RFX6: variants seen among roughly 807,000 people sequenced by gnomAD.
The protein encoded by RFX6 is DNA-binding protein RFX6.
In RFX6, 50 loss-of-function variants were observed where a neutral mutation model predicts 110.8. The ratio of observed to expected loss-of-function variants is 0.45; its 90% CI spans 0.36 to 0.57. The LOEUF is 0.57. Among genes scored for constraint, RFX6 ranks in the 20% least tolerant of loss-of-function variants. The probability of loss-of-function intolerance (pLI) is 0.00; values close to 1 mark genes in which losing one functional copy is unlikely to be tolerated. For missense variants in RFX6, 990 were observed against 1,127.0 expected, an observed-to-expected ratio of 0.88 and a Z score of 1.74; for synonymous variants, 383 against 411.2, an observed-to-expected ratio of 0.93 and a Z score of 0.83.
chr6:116,883,976 C>G (rs990212943), intron 4 of RFX6, among the ~76,000 whole-genome samples: 1 of 152,128 alleles, frequency 6.6e-6, no homozygotes, highest in South Asian at 2.1e-4. Context: ...CAAGGTCCAT[C>G]ATGATTTAGT....
Position 116,931,596 on chromosome 6 carries a change from TA to T in RFX6, c.*95del. ...TCACTCAGACTTCCATAAGAGTAAATAAAAATGAATATGCAGTGGCTGACAT... is the reference window on the plus strand; with the variant it reads ...TCACTCAGACTTCCATAAGAGTAAATAAAATGAATATGCAGTGGCTGACAT... On this transcript the variant is annotated 3_prime_UTR_variant, in exon 19 of 19. Transcript: ENST00000332958. The T allele has an allele frequency of 2.1e-6, 2 of 961,802 alleles. No individual in the cohort carries two copies. Among genetic ancestry groups the T allele is most frequent in the Non-Finnish European group, 1.6e-6 (1 of 626,656 alleles). The allele number at this position is 961,802 out of a possible 1,614,324, so 59.6% of individuals were successfully genotyped here.
intron 6 of RFX6, among the ~76,000 whole-genome samples, chr6:116,907,777 TACTTA>T (rs2114685212): frequency 6.6e-6 from 1 of 152,240 alleles, no homozygotes; most frequent in African/African-American, 2.4e-5. Flanking sequence ...TCTATACTCT[TACTTA>T]ACTTCTGTCT....
chr6:116,916,107 T>C (rs747857006), intron 8 of RFX6, 22 bp downstream of exon 8: 1 of 1,572,756 alleles, frequency 6.4e-7, no homozygotes, highest in Admixed American at 1.7e-5. Context: ...AAAGAATGCT[T>C]TATTTGACCC....
intron 4 of RFX6, among the ~76,000 whole-genome samples, chr6:116,888,122 C>T (rs985380546): frequency 8.5e-5 from 13 of 152,096 alleles, no homozygotes; most frequent in African/African-American, 2.4e-4. Context: ...CCCATCATTT[C>T]CTTATCAGTT....
Position 116,920,378 on chromosome 6 carries a change from T to C in RFX6, c.1251T>C (p.Asp417=). ...TGGTGTCTGATATTGAAAGGGTTGA[T>C]TTGAACAGCATTGGCTCTCAAGCCC... The part of the protein sequence containing the change: ...NSMVSDIERV[D]LNSIGSQALL... The change falls in exon 12 of 19, where the codon GAT becomes GAC. Residue 417 remains aspartate (D), a synonymous_variant. Transcript: ENST00000332958. The C allele has an allele frequency of 5.6e-6, 9 of 1,612,574 alleles. No individual in the cohort carries two copies. The highest frequency in any genetic ancestry group is 7.6e-6 in the Non-Finnish European group (9 of 1,178,582).
At chr6:116,927,986 C>T (rs1775786208) in intron 17 of RFX6, among the ~76,000 whole-genome samples, 1 of 151,504 alleles carries the variant, frequency 6.6e-6, no homozygotes, top group Non-Finnish European at 1.5e-5. Flanking sequence ...TTAAGCAATC[C>T]TCTCTCCTTG....
At chr6:116,917,710 A>C (rs1775498054) in intron 9 of RFX6, among the ~76,000 whole-genome samples, 2 of 152,086 alleles carry the variant, frequency 1.3e-5, no homozygotes, top group Non-Finnish European at 2.9e-5. Flanking sequence ...ACGGTGTAAG[A>C]TGAGCTTCTA....
Position 116,916,258 on chromosome 6 carries a change from C to G in RFX6, c.916C>G (p.Leu306Val). ...AATGCCTGACCATCTCCTTCCCCTG[C>G]TCGAAAATCCTGTTATCATTGATAT... Reference protein sequence around the residue: ...QGMPDHLLPLLENPVIIDIFC... With the variant: ...QGMPDHLLPLVENPVIIDIFC... The change falls in exon 9 of 19, where the codon CTC (leucine) becomes GTC (valine). Residue 306 changes from leucine (L) to valine (V), a missense_variant. Leu to Val is a conservative substitution (Grantham distance 32). Coordinates refer to ENST00000332958, the MANE Select transcript of RFX6 (RefSeq NM_173560.4). 1 of 1,612,786 alleles carries G rather than the reference C, an allele frequency of 6.2e-7. No homozygotes were observed. Among genetic ancestry groups the G allele is most frequent in the Non-Finnish European group, 8.5e-7 (1 of 1,179,246 alleles).
At chr6:116,922,856 A>G (rs1325604346) in intron 13 of RFX6, among the ~76,000 whole-genome samples, 2 of 152,188 alleles carry the variant, frequency 1.3e-5, no homozygotes, top group East Asian at 1.9e-4. Context: ...AATATTTTGA[A>G]AATTATTTCA....
chr6:116,877,901 T>C lies in RFX6; in HGVS notation c.329T>C (p.Ile110Thr). The stretch of plus-strand genomic sequence containing the variant: ...CAATACCTGTCTCAGAAGAAAACCA[T>C]CACGCAGATTGTGAAGGATAAAAAG... Reference protein sequence around the residue: ...ADQYLSQKKTITQIVKDKKKQ... With the variant: ...ADQYLSQKKTTTQIVKDKKKQ... The change falls in exon 2 of 19, where the codon ATC becomes ACC. Residue 110 changes from isoleucine (I) to threonine (T), a missense_variant. By Grantham distance (89) the Ile-to-Thr change is moderately conservative. Transcript: ENST00000332958. The C allele has an allele frequency of 6.2e-7, 1 of 1,614,076 alleles. No individual in the cohort carries two copies. Among genetic ancestry groups the C allele is most frequent in the Non-Finnish European group, 8.5e-7 (1 of 1,179,996 alleles).
At chr6:116,892,427 C>T (rs1178671555) in intron 4 of RFX6, among the ~76,000 whole-genome samples, 2 of 152,220 alleles carry the variant, frequency 1.3e-5, no homozygotes, top group Admixed American at 1.3e-4. Flanking sequence ...TTCAACTCCC[C>T]AGGCCCACTT....
Position 116,927,294 on chromosome 6 carries a change from A to G in RFX6, c.2153A>G (p.Tyr718Cys), listed in dbSNP as rs1414032326. Residue 718 changes from tyrosine (Y) to cysteine (C), a missense_variant, in exon 17 of 19, where the codon TAT becomes TGT. Coordinates refer to ENST00000332958, the MANE Select transcript of RFX6 (RefSeq NM_173560.4). ...RAQPHSTSGLYPHHTEHGRCM... is the reference protein window; with the variant it reads ...RAQPHSTSGLCPHHTEHGRCM... ...CAGCCCCACTCCACATCAGGACTCT[A>G]TCCTCATCACACCGAGCATGGTCGA... is the stretch of plus-strand genomic sequence containing the variant. 19 of 1,614,082 alleles carry G rather than the reference A, an allele frequency of 1.2e-5. No homozygotes were observed. The highest frequency in any genetic ancestry group is 2.7e-5 in the African/African-American group (2 of 74,930).
intron 10 of RFX6, 136 bp from the exon 11 acceptor site, chr6:116,919,001 A>T (rs1294045483): frequency 2.7e-6 from 2 of 739,146 alleles, no homozygotes; most frequent in Non-Finnish European, 4.5e-6. Flanking sequence ...AAAAGATGAT[A>T]AATGGCAGAT....
chr6:116,888,327 T>G (rs339330), intron 4 of RFX6, among the ~76,000 whole-genome samples: 113,607 of 152,124 alleles, frequency 0.75, 43,185 homozygotes, highest in East Asian at 0.89. Context: ...AATTTCATTT[T>G]TCATATTAAA....
Position 116,925,757 on chromosome 6 carries a change from C to A in RFX6, c.1885+98C>A, listed in dbSNP as rs753730930. ...ATAACTTCCAGTCCAGGAATTCCAA[C>A]AATAAAAAAGGATGATCTTAACTGA... On this transcript the variant is annotated intron_variant, in intron 16 of 18. Transcript: ENST00000332958. 208 of 802,332 alleles carry A rather than the reference C, an allele frequency of 2.6e-4. 1 individual carries two copies. The highest frequency in any genetic ancestry group is 3.8e-4 in the Non-Finnish European group (183 of 478,228). The allele number at this position is 802,332 out of a possible 1,614,324, so 49.7% of individuals were successfully genotyped here.
At position 116,924,890 on chromosome 6, in the gene RFX6, C is replaced by T. The variant is rs1158892226; in HGVS notation, c.1678+99C>T. 9.4e-6 allele frequency: 8 copies of T among 846,994 alleles called. No homozygotes were observed. In the Admixed American group the frequency reaches 1.0e-4, roughly 11 times the overall value. The allele number at this position is 846,994 out of a possible 1,614,324, so 52.5% of individuals were successfully genotyped here. A position where few individuals can be genotyped will look rare whatever the true frequency, so the allele number is the denominator to read the frequency against. On this transcript the variant is annotated intron_variant, in intron 15 of 18. Transcript: ENST00000332958. ...ATATTAAGTGGGTTTATCATAATCT[C>T]AGAGTTTTTCTCCAAACATGTCATT...
Position 116,911,055 on chromosome 6 carries a change from G to C in RFX6, c.780+13G>C. 3 of 1,507,232 alleles carry C rather than the reference G, an allele frequency of 2.0e-6. No individual in the cohort carries two copies. Among genetic ancestry groups the C allele is most frequent in the Non-Finnish European group, 2.8e-6 (3 of 1,082,740 alleles). The allele number at this position is 1,507,232 out of a possible 1,614,324, so 93.4% of individuals were successfully genotyped here. ...TTCTAAGGACAAGGTATCAATTACA[G>C]ATACTTCTCTATTGATTTTCTGATA... On this transcript the variant is annotated intron_variant, in intron 7 of 18. Transcript: ENST00000332958.
intron 2 of RFX6, among the ~76,000 whole-genome samples, chr6:116,878,499 A>G (rs996748711): frequency 1.9e-4 from 29 of 152,080 alleles, no homozygotes; most frequent in Admixed American, 3.9e-4. Context: ...CATCTATCAT[A>G]TATGATTTAT....
rs374987661 is a variant in RFX6 at position 116,919,094 on chromosome 6, A to G, written c.1023-43A>G. ...CAATTAAAATATGATTGTTTAATGCATTTTTTAACAATGAAGCATTTAACA... is the reference window on the plus strand; with the variant it reads ...CAATTAAAATATGATTGTTTAATGCGTTTTTTAACAATGAAGCATTTAACA... On this transcript the variant is annotated intron_variant, in intron 10 of 18. Coordinates refer to ENST00000332958, the MANE Select transcript of RFX6 (RefSeq NM_173560.4). 1.9e-6 allele frequency: 3 copies of G among 1,553,274 alleles called. No homozygotes were observed. The African/African-American group carries it at 4.1e-5, about 21-fold the overall frequency.
Sources: allele counts gnomAD v4.1 joint callset (sites outside exome capture counted in the v4.1 genomes callset), GRCh38; gene constraint gnomAD v4.1.1; transcripts MANE v1.5; gene names NCBI Gene and HGNC (gene_info 2026-07-23, HGNC 2026-07-21).